The following SYT17 variants were observed in gnomAD, a reference collection of about 807,000 sequenced individuals.
SYT17 encodes the protein synaptotagmin-17.
In SYT17, 22 loss-of-function variants were observed where a neutral mutation model predicts 46.7. The ratio of observed to expected loss-of-function variants is 0.47; its 90% CI spans 0.34 to 0.67. The LOEUF (loss-of-function observed/expected upper bound fraction) is 0.67, where lower values mean the gene tolerates loss of function less well. Ranked by LOEUF, SYT17 falls within the 30% of genes least tolerant of loss-of-function variation. SYT17 has a pLI of 0.01. For synonymous variants in SYT17, 251 were observed against 248.4 expected (o/e 1.01, Z -0.10); for missense variants, 519 against 612.8 (o/e 0.85, Z 1.62).
At chr16:19,189,299 T>C (rs2142643322) in intron 5 of SYT17, among the ~76,000 whole-genome samples, 1 of 151,396 alleles carries the variant, frequency 6.6e-6, no homozygotes, top group East Asian at 2.0e-4. Context: ...CCAAATAAGG[T>C]CCCATTCTGA....
At chr16:19,224,594 CAGAT>C (rs780969813) in intron 6 of SYT17, 85 bp from the exon 7 acceptor site, 16 of 1,427,760 alleles carry the variant, frequency 1.1e-5, no homozygotes, top group African/African-American at 2.8e-5. Context: ...AATAAAAAGA[CAGAT>C]GGATGGGAGG....
chr16:19,260,485 CAGAG>C lies in SYT17; in HGVS notation c.1229-6389_1229-6386del, dbSNP rs1016497933. The stretch of plus-strand genomic sequence containing the variant: ...AGATCATGCCACTGCACCTGGGTAA[CAGAG>C]AGAGACCTTGTCTCAAAAAAAAAAA... On this transcript the variant is annotated intron_variant, in intron 7 of 7. Coordinates refer to ENST00000355377, the MANE Select transcript of SYT17 (RefSeq NM_016524.4). Among the ~76,000 whole-genome samples the C allele has an allele frequency of 4.7e-5, 5 of 105,436 alleles. No individual in the cohort carries two copies. In the Admixed American group the frequency reaches 5.2e-4, roughly 11 times the overall value. The allele number at this position is 105,436 out of a possible 152,430, so 69.2% of individuals were successfully genotyped here.
chr16:19,222,351 T>G (rs1270790478), intron 5 of SYT17, among the ~76,000 whole-genome samples: 1 of 152,142 alleles, frequency 6.6e-6, no homozygotes, highest in Admixed American at 6.5e-5. Flanking sequence ...TCTAGGTACC[T>G]TTGGCAGTAT....
intron 3 of SYT17, among the ~76,000 whole-genome samples, chr16:19,175,835 A>G (rs1009306370): frequency 1.3e-5 from 2 of 152,130 alleles, no homozygotes; most frequent in Admixed American, 1.3e-4. Flanking sequence ...TTGCATCCTG[A>G]AAGTGCCAAT....
chr16:19,216,624 C>G (rs1374478122), intron 5 of SYT17, among the ~76,000 whole-genome samples: 1 of 152,102 alleles, frequency 6.6e-6, no homozygotes, highest in Non-Finnish European at 1.5e-5. Context: ...TGAGTGAGAA[C>G]ATGCGGTGTT....
At chr16:19,259,156 T>G (rs1344374552) in intron 7 of SYT17, among the ~76,000 whole-genome samples, 1 of 152,060 alleles carries the variant, frequency 6.6e-6, no homozygotes, top group East Asian at 1.9e-4. Context: ...AGCCTTAGGG[T>G]GCTGGAGATT....
chr16:19,226,328 C>T (rs1187845289), intron 7 of SYT17, among the ~76,000 whole-genome samples: 2 of 152,190 alleles, frequency 1.3e-5, no homozygotes, highest in Admixed American at 1.3e-4. Context: ...TCCAGGGTAA[C>T]TGGAAACTCT....
chr16:19,246,239 G>A (rs1418060140), intron 7 of SYT17, among the ~76,000 whole-genome samples: 4 of 151,940 alleles, frequency 2.6e-5, no homozygotes, highest in Admixed American at 6.6e-5. Context: ...TGATCTGCCC[G>A]CCTCAGCCTC....
Position 19,267,132 on chromosome 16 carries a change from A to AAT in SYT17, c.*57_*58insTA. ...TAAAAAAAAAAAAAAAAGACGGAAA[A>AAT]AAATGTGTCACATACTATTACATCC... On this transcript the variant is annotated 3_prime_UTR_variant, in exon 8 of 8. Transcript: ENST00000355377. 7.1e-7 allele frequency: 1 copy of AAT among 1,412,124 alleles called. No individual in the cohort carries two copies. Among genetic ancestry groups the AAT allele is most frequent in the Non-Finnish European group, 9.4e-7 (1 of 1,060,104 alleles). 87.5% of individuals were successfully genotyped at this position (1,412,124 alleles called of 1,614,324 possible). A position where few individuals can be genotyped will look rare whatever the true frequency, so the allele number is the denominator to read the frequency against.
intron 7 of SYT17, among the ~76,000 whole-genome samples, chr16:19,263,235 C>T (rs1299589093): frequency 6.6e-6 from 1 of 152,124 alleles, no homozygotes; most frequent in East Asian, 1.9e-4. Context: ...AGCTATCACA[C>T]CCCATTCCCT....
intron 1 of SYT17, among the ~76,000 whole-genome samples, chr16:19,169,322 G>C (rs909703651): frequency 3.3e-5 from 5 of 151,980 alleles, no homozygotes; most frequent in African/African-American, 1.2e-4. Flanking sequence ...CCTTTTTTGG[G>C]GGGAGGGGGC....
intron 1 of SYT17, chr16:19,172,387 T>C (rs1964131194): frequency 1.4e-6 from 2 of 1,404,960 alleles, no homozygotes; most frequent in Non-Finnish European, 1.8e-6. Context: ...GTTGGCTACA[T>C]GGCTATTTCT....
chr16:19,254,641 G>A (rs562295162), intron 7 of SYT17, among the ~76,000 whole-genome samples: 27 of 152,252 alleles, frequency 1.8e-4, no homozygotes, highest in East Asian at 1.7e-3. Context: ...AGCTCATGAC[G>A]TAGATGAAAT....
intron 7 of SYT17, among the ~76,000 whole-genome samples, chr16:19,266,403 A>G (rs929891162): frequency 6.6e-6 from 1 of 152,236 alleles, no homozygotes; most frequent in African/African-American, 2.4e-5. Context: ...CAGGACAGTT[A>G]CGGCAAAGGA....
intron 7 of SYT17, among the ~76,000 whole-genome samples, chr16:19,232,524 G>C (rs182192568): frequency 2.2e-4 from 33 of 152,228 alleles, no homozygotes; most frequent in African/African-American, 6.7e-4. Context: ...GATTGTGCCA[G>C]TGCATTAATA....
intron 7 of SYT17, among the ~76,000 whole-genome samples, chr16:19,253,039 G>A (rs1436984637): frequency 6.6e-6 from 1 of 152,154 alleles, no homozygotes; most frequent in African/African-American, 2.4e-5. Flanking sequence ...TGCTGGTGTG[G>A]AGACCACACT....
intron 5 of SYT17, among the ~76,000 whole-genome samples, chr16:19,216,536 C>T (rs1966102506): frequency 6.6e-6 from 1 of 152,160 alleles, no homozygotes; most frequent in South Asian, 2.1e-4. Context: ...TCCCTTAGCC[C>T]CCCAACCCCC....
chr16:19,195,130 A>G (rs756738946), intron 5 of SYT17, among the ~76,000 whole-genome samples: 4 of 152,208 alleles, frequency 2.6e-5, no homozygotes, highest in Non-Finnish European at 5.9e-5. Flanking sequence ...CTGTGAGGAT[A>G]GTGATGGTGG....
chr16:19,244,633 A>G (rs1967396976), intron 7 of SYT17, among the ~76,000 whole-genome samples: 1 of 152,054 alleles, frequency 6.6e-6, no homozygotes. Flanking sequence ...CCGAGCCTGG[A>G]CCAGAATCTT....
Sources: allele counts gnomAD v4.1 joint callset (sites outside exome capture counted in the v4.1 genomes callset), GRCh38; gene constraint gnomAD v4.1.1; transcripts MANE v1.5; gene names NCBI Gene and HGNC (gene_info 2026-07-23, HGNC 2026-07-21).